MSRA: variants seen among roughly 807,000 people sequenced by gnomAD.
MSRA encodes mitochondrial peptide methionine sulfoxide reductase.
A neutral mutation model predicts 31.3 loss-of-function variants in MSRA; 54 were observed. The ratio of observed to expected loss-of-function variants is 1.73; its 90% CI spans 1.39 to 2.17. The LOEUF (loss-of-function observed/expected upper bound fraction) is 2.17, where lower values mean the gene tolerates loss of function less well. Among genes scored for constraint, MSRA ranks in the 30% most tolerant of loss-of-function variants. The probability of loss-of-function intolerance (pLI) is 0.00; values close to 1 mark genes in which losing one functional copy is unlikely to be tolerated. For missense variants in MSRA, 507 were observed against 300.9 expected (o/e 1.69, Z -5.07); for synonymous variants, 169 against 116.5 (o/e 1.45, Z -2.90).
intron 5 of MSRA, among the ~76,000 whole-genome samples, chr8:10,404,132 G>T (rs1017572353): frequency 6.6e-6 from 1 of 152,054 alleles, no homozygotes; most frequent in African/African-American, 2.4e-5. Flanking sequence ...GGTGCCCTCC[G>T]CATGTCACAA....
At chr8:10,413,653 A>G (rs1808287324) in intron 5 of MSRA, among the ~76,000 whole-genome samples, 1 of 88,108 alleles carries the variant, frequency 1.1e-5, no homozygotes, top group African/African-American at 4.3e-5. Flanking sequence ...CAGTAAGGAG[A>G]GAGATATTAA....
At chr8:10,419,137 C>G (rs542039174) in intron 5 of MSRA, among the ~76,000 whole-genome samples, 1 of 152,182 alleles carries the variant, frequency 6.6e-6, no homozygotes, top group Admixed American at 6.5e-5. Flanking sequence ...CCCCTCCACT[C>G]CCTCCCGACC....
At chr8:10,242,693 A>C (rs755197315) in intron 2 of MSRA, among the ~76,000 whole-genome samples, 10 of 152,210 alleles carry the variant, frequency 6.6e-5, no homozygotes, top group Non-Finnish European at 1.3e-4. Context: ...TAATTTTGCT[A>C]TAAATAAGCC....
At chr8:10,238,931 T>C (rs1279512509) in intron 2 of MSRA, among the ~76,000 whole-genome samples, 1 of 152,166 alleles carries the variant, frequency 6.6e-6, no homozygotes, top group Admixed American at 6.6e-5. Context: ...AAAACATCTG[T>C]ATGACAATAG....
At chr8:10,427,771 G>A (rs968492029) in intron 5 of MSRA, among the ~76,000 whole-genome samples, 2 of 152,112 alleles carry the variant, frequency 1.3e-5, no homozygotes, top group African/African-American at 2.4e-5. Flanking sequence ...TTACCCTCGG[G>A]GACAGCCAGG....
At chr8:10,078,749 G>A (rs918077414) in intron 1 of MSRA, among the ~76,000 whole-genome samples, 4 of 152,212 alleles carry the variant, frequency 2.6e-5, no homozygotes, top group Admixed American at 2.0e-4. Flanking sequence ...AGTCTTCAGC[G>A]TTTCCTTGGA....
At chr8:10,236,795 C>T (rs369658744) in intron 2 of MSRA, among the ~76,000 whole-genome samples, 4 of 152,280 alleles carry the variant, frequency 2.6e-5, no homozygotes, top group East Asian at 3.9e-4. Context: ...ATCTGGCTGC[C>T]TCGGCCTTCC....
At chr8:10,388,026 C>A (rs1176497901) in intron 5 of MSRA, among the ~76,000 whole-genome samples, 2 of 152,130 alleles carry the variant, frequency 1.3e-5, no homozygotes, top group African/African-American at 4.8e-5. Context: ...TGTTCTCCAC[C>A]TTCTAGGTTC....
Position 10,371,065 on chromosome 8 carries a change from C to T in MSRA, c.543+51076C>T, listed in dbSNP as rs1275574987. Reference sequence around the variant, plus strand: ...GAATCCCCTGGAGATGTTTTCAGACCATGCTAACCCACTGCACCCCTGCCG... The same window carrying T: ...GAATCCCCTGGAGATGTTTTCAGACTATGCTAACCCACTGCACCCCTGCCG... On this transcript the variant is annotated intron_variant, in intron 5 of 5. Transcript: ENST00000317173. 3.3e-5 allele frequency among the ~76,000 whole-genome samples: 5 copies of T among 152,176 alleles called. No homozygotes were observed. In the East Asian group the frequency reaches 5.8e-4, roughly 18 times the overall value.
At chr8:10,339,458 T>C (rs1803268341) in intron 5 of MSRA, among the ~76,000 whole-genome samples, 2 of 152,042 alleles carry the variant, frequency 1.3e-5, no homozygotes, top group Non-Finnish European at 2.9e-5. Flanking sequence ...GAATTCAGTG[T>C]CTGTCCTGTT....
chr8:10,303,665 T>C (rs1024731154), intron 4 of MSRA, among the ~76,000 whole-genome samples: 3 of 152,130 alleles, frequency 2.0e-5, no homozygotes, highest in Non-Finnish European at 4.4e-5. Flanking sequence ...CTTCTGCCTC[T>C]CTTATGGACC....
chr8:10,281,417 C>T (rs1458424270), intron 3 of MSRA, among the ~76,000 whole-genome samples: 1 of 152,136 alleles, frequency 6.6e-6, no homozygotes. Context: ...CATAATTTTC[C>T]AGTTCCCACC....
chr8:10,195,930 T>G (rs552624032), intron 1 of MSRA, among the ~76,000 whole-genome samples: 33 of 152,340 alleles, frequency 2.2e-4, no homozygotes, highest in African/African-American at 7.9e-4. Flanking sequence ...TTTGTAAAGC[T>G]GACAGCAGTG....
At chr8:10,161,399 C>A (rs1804633683) in intron 1 of MSRA, among the ~76,000 whole-genome samples, 1 of 152,142 alleles carries the variant, frequency 6.6e-6, no homozygotes, top group Non-Finnish European at 1.5e-5. Context: ...GTGATGAGTC[C>A]CCAAGCACTG....
intron 5 of MSRA, among the ~76,000 whole-genome samples, chr8:10,425,178 G>A (rs186359309): frequency 2.6e-5 from 4 of 152,244 alleles, no homozygotes; most frequent in Admixed American, 2.6e-4. Flanking sequence ...AAGGACAACC[G>A]AAGCCTGCAG....
intron 5 of MSRA, among the ~76,000 whole-genome samples, chr8:10,330,093 G>T (rs576582530): frequency 6.9e-6 from 1 of 145,976 alleles, no homozygotes; most frequent in Non-Finnish European, 1.5e-5. Context: ...CACTCTCTTA[G>T]TCACTTACTC....
intron 5 of MSRA, among the ~76,000 whole-genome samples, chr8:10,421,127 C>A (rs1808788612): frequency 1.3e-5 from 2 of 152,118 alleles, no homozygotes. Context: ...TCTAGAGCTC[C>A]TTTGGGTATT....
intron 3 of MSRA, among the ~76,000 whole-genome samples, chr8:10,267,101 C>T (rs901476594): frequency 6.6e-6 from 1 of 152,204 alleles, no homozygotes; most frequent in Admixed American, 6.5e-5. Context: ...AACATAGTCT[C>T]AGACTCCAGT....
intron 1 of MSRA, among the ~76,000 whole-genome samples, chr8:10,200,225 C>T (rs1004450126): frequency 7.2e-5 from 11 of 152,094 alleles, no homozygotes; most frequent in South Asian, 4.1e-4. Context: ...GCGGGGAGGC[C>T]GTGGTCAGAG....
Sources: allele counts gnomAD v4.1 joint callset (sites outside exome capture counted in the v4.1 genomes callset), GRCh38; gene constraint gnomAD v4.1.1; transcripts MANE v1.5; gene names NCBI Gene and HGNC (gene_info 2026-07-23, HGNC 2026-07-21).